The following LYPD6 variants were observed in gnomAD, a reference collection of about 807,000 sequenced individuals.
The protein encoded by LYPD6 is LY6/PLAUR domain containing 6, also known as ly6/PLAUR domain-containing protein 6.
Under a neutral mutation model 22.7 loss-of-function variants are expected in LYPD6, and 15 were observed. The observed-to-expected ratio is 0.66, with a 90% CI of 0.44 to 1.02. The LOEUF is 1.02. Ranked by LOEUF, LYPD6 falls within the 50% of genes least tolerant of loss-of-function variation. The probability of loss-of-function intolerance (pLI) is 0.00; values close to 1 mark genes in which losing one functional copy is unlikely to be tolerated. For missense variants in LYPD6, 189 were observed against 208.4 expected, an observed-to-expected ratio of 0.91 and a Z score of 0.57; for synonymous variants, 72 against 77.5, an observed-to-expected ratio of 0.93 and a Z score of 0.37.
At chr2:149,422,798 C>A (rs1683109110) in intron 1 of LYPD6, among the ~76,000 whole-genome samples, 1 of 152,144 alleles carries the variant, frequency 6.6e-6, no homozygotes, top group Admixed American at 6.5e-5. Flanking sequence ...TCATTCTACT[C>A]TTCCTCTGTG....
downstream of LYPD6, among the ~76,000 whole-genome samples, chr2:149,478,407 C>T (rs112561722): frequency 1.6e-5 from 2 of 126,456 alleles, no homozygotes; most frequent in Non-Finnish European, 3.3e-5. Flanking sequence ...TGTGCGCGCA[C>T]GCATGTGTGG....
At chr2:149,480,455 C>A in the LYPD6 span, among the ~76,000 whole-genome samples, 1 of 152,158 alleles carries the variant, frequency 6.6e-6, no homozygotes, top group African/African-American at 2.4e-5. Context: ...CTCATTATCA[C>A]TTCCTCAAGA....
chr2:149,456,975 A>T (rs1414760993), intron 3 of LYPD6, among the ~76,000 whole-genome samples: 1 of 152,208 alleles, frequency 6.6e-6, no homozygotes, highest in Non-Finnish European at 1.5e-5. Flanking sequence ...TAATCCGTTC[A>T]TTCTCATTGT....
chr2:149,370,522 T>C (rs920949839), intron 1 of LYPD6: 1 of 152,082 alleles, frequency 6.6e-6, no homozygotes, highest in African/African-American at 2.4e-5. Context: ...CTTGTGAGGG[T>C]GAGCAACAAG....
intron 1 of LYPD6, among the ~76,000 whole-genome samples, chr2:149,346,331 T>A (rs1284082553): frequency 1.3e-5 from 2 of 152,214 alleles, no homozygotes; most frequent in African/African-American, 4.8e-5. Flanking sequence ...TGAACACATG[T>A]GTCTGTGCAA....
chr2:149,394,638 C>G (rs575668716), intron 1 of LYPD6, among the ~76,000 whole-genome samples: 1 of 152,080 alleles, frequency 6.6e-6, no homozygotes, highest in Non-Finnish European at 1.5e-5. Flanking sequence ...ATATCTCTCT[C>G]TCTTTCTGTC....
intron 1 of LYPD6, among the ~76,000 whole-genome samples, chr2:149,386,610 G>A (rs1446138616): frequency 6.6e-6 from 1 of 152,192 alleles, no homozygotes; most frequent in Non-Finnish European, 1.5e-5. Context: ...GGATGGTGCT[G>A]GTGGCGAAGA....
chr2:149,406,985 C>T (rs1028300624), intron 1 of LYPD6, among the ~76,000 whole-genome samples: 4 of 151,772 alleles, frequency 2.6e-5, no homozygotes, highest in African/African-American at 9.7e-5. Context: ...TTCTCCTTCA[C>T]TTATGAAGCT....
intron 1 of LYPD6, among the ~76,000 whole-genome samples, chr2:149,377,637 C>T (rs569009558): frequency 3.0e-4 from 46 of 152,218 alleles, no homozygotes; most frequent in African/African-American, 1.0e-3. Context: ...AAAGTTAGCC[C>T]GGTGTGGTGG....
At chr2:149,437,238 G>A (rs1683452949) in intron 1 of LYPD6, among the ~76,000 whole-genome samples, 3 of 152,230 alleles carry the variant, frequency 2.0e-5, no homozygotes, top group Admixed American at 6.5e-5. Context: ...GACACCCGTG[G>A]CCCAGTATGG....
intron 1 of LYPD6, among the ~76,000 whole-genome samples, chr2:149,411,367 C>T (rs1320208531): frequency 6.6e-6 from 1 of 152,076 alleles, no homozygotes; most frequent in African/African-American, 2.4e-5. Context: ...CATCACTCGT[C>T]ATGTTTCCAT....
intron 2 of LYPD6, among the ~76,000 whole-genome samples, chr2:149,445,757 C>T (rs1190562600): frequency 6.6e-6 from 1 of 152,166 alleles, no homozygotes; most frequent in Non-Finnish European, 1.5e-5. Context: ...GATCTTCTAT[C>T]CAGACCACTC....
chr2:149,398,336 T>C (rs1467803834), intron 1 of LYPD6, among the ~76,000 whole-genome samples: 1 of 152,270 alleles, frequency 6.6e-6, no homozygotes, highest in East Asian at 1.9e-4. Flanking sequence ...GAAGATTTGT[T>C]CTTTTGTTGT....
At chr2:149,330,326 C>G (rs1231711877), upstream of LYPD6, 1 of 150,942 alleles carries the variant, frequency 6.6e-6, no homozygotes, top group Non-Finnish European at 1.5e-5. Flanking sequence ...CGCCCGGGTG[C>G]CCCACCTGCG....
the LYPD6 span, among the ~76,000 whole-genome samples, chr2:149,480,248 G>C: frequency 6.6e-6 from 1 of 152,046 alleles, no homozygotes; most frequent in Non-Finnish European, 1.5e-5. Context: ...GACCTCAGGT[G>C]ATCAGCCTGC....
chr2:149,347,747 T>C (rs1681283605), intron 1 of LYPD6, among the ~76,000 whole-genome samples: 1 of 152,134 alleles, frequency 6.6e-6, no homozygotes, highest in Non-Finnish European at 1.5e-5. Context: ...TGAGCTTAAG[T>C]TTAAATAGCT....
At chr2:149,373,797 TATCA>T (rs1681861800) in intron 1 of LYPD6, among the ~76,000 whole-genome samples, 1 of 152,228 alleles carries the variant, frequency 6.6e-6, no homozygotes, top group African/African-American at 2.4e-5. Context: ...GTATTCAAAA[TATCA>T]ATCCTTCATG....
At chr2:149,400,595 T>C (rs1420164973) in intron 1 of LYPD6, among the ~76,000 whole-genome samples, 27 of 148,972 alleles carry the variant, frequency 1.8e-4, no homozygotes, top group Admixed American at 1.6e-3. Flanking sequence ...ATTGTGTTAG[T>C]TCTTGACTAA....
chr2:149,483,448 G>T, the LYPD6 span, among the ~76,000 whole-genome samples: 3 of 150,760 alleles, frequency 2.0e-5, no homozygotes, highest in African/African-American at 7.5e-5. Flanking sequence ...GCATGAGAAG[G>T]TCTCTCCTTC....
Sources: gnomAD v4.1 joint callset for allele counts (sites outside exome capture counted in the v4.1 genomes callset) on GRCh38, gnomAD v4.1.1 for gene constraint, MANE v1.5 for transcripts, NCBI Gene and HGNC (gene_info 2026-07-23, HGNC 2026-07-21) for gene names.